GMDS: variants seen among roughly 807,000 people sequenced by gnomAD.
The protein encoded by GMDS is GDP-mannose 4,6-dehydratase, also known as GDP-mannose 4,6 dehydratase.
A neutral mutation model predicts 49.9 loss-of-function variants in GMDS; 20 were observed. The ratio of observed to expected loss-of-function variants is 0.40; its 90% confidence interval spans 0.28 to 0.58. The LOEUF is 0.58. Ranked by LOEUF, GMDS falls within the 20% of genes least tolerant of loss-of-function variation. GMDS has a pLI of 0.42. For synonymous variants in GMDS, 177 were observed against 178.6 expected, an observed-to-expected ratio of 0.99 and a Z score of 0.07; for missense variants, 362 against 481.4, an observed-to-expected ratio of 0.75 and a Z score of 2.32.
intron 7 of GMDS, among the ~76,000 whole-genome samples, chr6:1,898,464 T>C (rs530143763): frequency 1.3e-5 from 2 of 152,154 alleles, no homozygotes; most frequent in African/African-American, 4.8e-5. Context: ...GCCCATTCGC[T>C]TCCTAGGGTC....
intron 6 of GMDS, among the ~76,000 whole-genome samples, chr6:1,949,754 G>A (rs1360223457): frequency 6.6e-6 from 1 of 152,168 alleles, no homozygotes; most frequent in Non-Finnish European, 1.5e-5. Context: ...CCCAGAACCT[G>A]GTGGGTCCAA....
chr6:1,635,225 A>AG lies in GMDS; in HGVS notation c.988-10686_988-10685insC. Among the ~76,000 whole-genome samples, 1 of 152,298 alleles carries AG rather than the reference A, an allele frequency of 6.6e-6. No individual in the cohort carries two copies. On this transcript the variant is annotated intron_variant, in intron 9 of 10. Coordinates refer to ENST00000380815, the MANE Select transcript of GMDS (RefSeq NM_001500.4). This position sits in a 1 kb window ranked among gnomAD's most constrained non-coding sequence, Gnocchi z 4.7. ...TGAGGCCAAAGCCTCTCTGCTGAGC[A>AG]AGTCTGCTTAGCTCTGGGAAAGGGG... is the stretch of plus-strand genomic sequence containing the variant.
intron 9 of GMDS, among the ~76,000 whole-genome samples, chr6:1,716,155 G>A (rs565767508): frequency 6.6e-6 from 1 of 152,280 alleles, no homozygotes; most frequent in South Asian, 2.1e-4. Context: ...TGTAAAAAAA[G>A]ATTAAAAACA....
chr6:1,994,452 A>C (rs1251937400), intron 4 of GMDS, among the ~76,000 whole-genome samples: 1 of 152,150 alleles, frequency 6.6e-6, no homozygotes, highest in Non-Finnish European at 1.5e-5. Context: ...AAGCATCAAG[A>C]AGGCAGGCCA....
chr6:1,825,352 A>T (rs1341349838), intron 7 of GMDS, among the ~76,000 whole-genome samples: 5 of 152,262 alleles, frequency 3.3e-5, no homozygotes, highest in Admixed American at 6.5e-5. Flanking sequence ...CAAATGCATT[A>T]CAAAACCTCA....
chr6:2,210,895 G>C (rs751882280), intron 1 of GMDS, among the ~76,000 whole-genome samples: 1 of 152,210 alleles, frequency 6.6e-6, no homozygotes, highest in African/African-American at 2.4e-5. Flanking sequence ...GATCATGGGG[G>C]CGGATGTCCC....
intron 4 of GMDS, among the ~76,000 whole-genome samples, chr6:2,114,063 T>C (rs1478909405): frequency 6.6e-6 from 1 of 152,146 alleles, no homozygotes; most frequent in African/African-American, 2.4e-5. Flanking sequence ...GAAAACCAAC[T>C]ATAACATATT....
At chr6:1,710,798 T>C (rs1765930416) in intron 9 of GMDS, among the ~76,000 whole-genome samples, 1 of 152,260 alleles carries the variant, frequency 6.6e-6, no homozygotes, top group Admixed American at 6.5e-5. Context: ...GAATGGCTCT[T>C]ATGTTCCATT....
At chr6:2,092,165 G>C (rs752403418) in intron 4 of GMDS, among the ~76,000 whole-genome samples, 7 of 152,194 alleles carry the variant, frequency 4.6e-5, no homozygotes, top group Non-Finnish European at 8.8e-5. Context: ...TGGATGGAAT[G>C]AACTGCTACG....
intron 1 of GMDS, among the ~76,000 whole-genome samples, chr6:2,209,594 C>A: frequency 6.6e-6 from 1 of 151,898 alleles, no homozygotes. Flanking sequence ...CACACACACA[C>A]ACACACACAC....
rs1443669365 is a variant in GMDS, at chr6:1,827,363, GTA to G, written c.772-84779_772-84778del. On this transcript the variant is annotated intron_variant, in intron 7 of 10. Coordinates refer to ENST00000380815, the MANE Select transcript of GMDS (RefSeq NM_001500.4). Reference sequence around the variant, plus strand: ...TATATACACACGTTTTGGAAAACCTGTATATACACACGTTTTGGAAAACCTGT... The same window carrying G: ...TATATACACACGTTTTGGAAAACCTGTATACACACGTTTTGGAAAACCTGT... 2.3e-3 allele frequency among the ~76,000 whole-genome samples: 215 copies of G among 92,956 alleles called. 3 individuals carry two copies. Among genetic ancestry groups the G allele is most frequent in the Non-Finnish European group, 3.2e-3 (156 of 49,088 alleles). The allele number at this position is 92,956 out of a possible 152,430, so 61.0% of individuals were successfully genotyped here.
At chr6:2,040,140 T>C (rs891103487) in intron 4 of GMDS, among the ~76,000 whole-genome samples, 3 of 152,178 alleles carry the variant, frequency 2.0e-5, no homozygotes, top group Non-Finnish European at 2.9e-5. Context: ...CTAAGCCCAA[T>C]GGCTCCTCAT....
intron 1 of GMDS, among the ~76,000 whole-genome samples, chr6:2,218,507 ACT>A (rs1429596029): frequency 1.3e-5 from 2 of 152,082 alleles, no homozygotes; most frequent in Non-Finnish European, 2.9e-5. Flanking sequence ...GGACTAAGAC[ACT>A]CTGTCTTTGC....
chr6:1,662,957 T>C lies in GMDS; in HGVS notation c.988-38417A>G, dbSNP rs12154154. ...CCCAACGAGACTGTCAGAATAAGGATATAGGTTTGCATTTATTTATTTTAC... is the reference window on the plus strand; with the variant it reads ...CCCAACGAGACTGTCAGAATAAGGACATAGGTTTGCATTTATTTATTTTAC... On this transcript the variant is annotated intron_variant, in intron 9 of 10. Coordinates refer to ENST00000380815, the MANE Select transcript of GMDS (RefSeq NM_001500.4). 3.9e-3 allele frequency among the ~76,000 whole-genome samples: 599 copies of C among 152,324 alleles called. 2 individuals carry two copies. Among genetic ancestry groups the C allele is most frequent in the Middle Eastern group, 0.01 (3 of 294 alleles).
At chr6:2,079,670 C>G (rs1335774442) in intron 4 of GMDS, among the ~76,000 whole-genome samples, 1 of 152,084 alleles carries the variant, frequency 6.6e-6, no homozygotes, top group African/African-American at 2.4e-5. Context: ...GAGAAATTCA[C>G]TATTAGCCTG....
intron 4 of GMDS, among the ~76,000 whole-genome samples, chr6:1,981,442 G>T (rs1335565560): frequency 2.0e-5 from 3 of 152,114 alleles, no homozygotes; most frequent in Non-Finnish European, 4.4e-5. Context: ...TACAAGAAAT[G>T]GATAAATTCC....
At chr6:2,074,538 T>G (rs1772208668) in intron 4 of GMDS, among the ~76,000 whole-genome samples, 1 of 152,220 alleles carries the variant, frequency 6.6e-6, no homozygotes, top group Non-Finnish European at 1.5e-5. Context: ...TCTATTTTTG[T>G]TTTAGTTCTC....
chr6:1,837,877 C>T (rs1306099209), intron 7 of GMDS, among the ~76,000 whole-genome samples: 2 of 152,142 alleles, frequency 1.3e-5, no homozygotes, highest in African/African-American at 4.8e-5. Context: ...AGACCCAGGC[C>T]TCACAGGGAG....
chr6:1,624,685 G>A (rs111498910), intron 9 of GMDS, 145 bp from the exon 10 acceptor site: 2 of 628,752 alleles, frequency 3.2e-6, no homozygotes, highest in Non-Finnish European at 2.9e-6. Flanking sequence ...TGCTGTGCGC[G>A]TTCAGTTGCG....
Sources: allele counts gnomAD v4.1 joint callset (sites outside exome capture counted in the v4.1 genomes callset), GRCh38; gene constraint gnomAD v4.1.1; non-coding constraint Gnocchi (gnomAD v3.1); transcripts MANE v1.5; gene names NCBI Gene and HGNC (gene_info 2026-07-23, HGNC 2026-07-21).